The following SMARCA2 variants were observed in gnomAD, a reference collection of about 807,000 sequenced individuals.
SMARCA2 encodes SWI/SNF-related matrix-associated actin-dependent regulator of chromatin subfamily A member 2.
In SMARCA2, 61 loss-of-function variants were observed where a neutral mutation model predicts 199.8. The observed-to-expected ratio is 0.31, with a 90% CI of 0.25 to 0.38. The LOEUF (loss-of-function observed/expected upper bound fraction) is 0.38. Among genes scored for constraint, SMARCA2 ranks in the 10% least tolerant of loss-of-function variants. The pLI, the probability that SMARCA2 is intolerant of heterozygous loss-of-function variation, is 1.00. For synonymous variants in SMARCA2, 935 were observed against 732.0 expected (o/e 1.28, Z -4.48); for missense variants, 1,344 against 2,012.2 (o/e 0.67, Z 6.35).
At chr9:2,149,180 C>G (rs548015127) in intron 27 of SMARCA2, among the ~76,000 whole-genome samples, 6 of 151,370 alleles carry the variant, frequency 4.0e-5, no homozygotes, top group Admixed American at 2.6e-4. Flanking sequence ...GCAAAAGGCA[C>G]TTCTTACATG....
At chr9:2,108,709 C>T (rs1342046740) in intron 23 of SMARCA2, among the ~76,000 whole-genome samples, 1 of 152,156 alleles carries the variant, frequency 6.6e-6, no homozygotes, top group African/African-American at 2.4e-5. Flanking sequence ...GAAGGTTTCA[C>T]AGCAGAAATA....
At chr9:2,183,547 C>G (rs770814894) in intron 31 of SMARCA2, among the ~76,000 whole-genome samples, 2 of 152,226 alleles carry the variant, frequency 1.3e-5, no homozygotes, top group Non-Finnish European at 2.9e-5. Context: ...TACCCCTCAA[C>G]CAATGCAGTG....
Position 2,161,915 on chromosome 9 carries a change from G to T in SMARCA2, c.4199+12G>T. The T allele has an allele frequency of 6.2e-7, 1 of 1,604,518 alleles. No homozygotes were observed. Among genetic ancestry groups the T allele is most frequent in the South Asian group, 1.1e-5 (1 of 90,634 alleles). ...AACTACAAAGATAGGTGAGTGTTTG[G>T]TTCCTTCACCTTGATCATCTCTCAC... On this transcript the variant is annotated intron_variant, in intron 28 of 33. Coordinates refer to ENST00000349721, the MANE Select transcript of SMARCA2 (RefSeq NM_003070.5). The surrounding 1 kb of genome is among the most constrained non-coding windows in gnomAD (Gnocchi z 4.7).
chr9:2,068,111 G>T (rs1352930890), intron 9 of SMARCA2, among the ~76,000 whole-genome samples: 1 of 152,162 alleles, frequency 6.6e-6, no homozygotes. Context: ...AATTAAAACA[G>T]TCCCCTGAGT....
intron 28 of SMARCA2, among the ~76,000 whole-genome samples, chr9:2,165,643 A>G (rs1261476212): frequency 6.6e-6 from 1 of 152,094 alleles, no homozygotes; most frequent in Non-Finnish European, 1.5e-5. Flanking sequence ...GCTTTTAAAA[A>G]CTCATATTCT....
intron 29 of SMARCA2, among the ~76,000 whole-genome samples, chr9:2,171,458 T>A (rs1826243885): frequency 1.3e-5 from 2 of 151,798 alleles, no homozygotes; most frequent in Non-Finnish European, 1.5e-5. Context: ...TAGTGGTGAT[T>A]TATACTTATA....
chr9:2,048,593 G>A (rs1412293778), intron 5 of SMARCA2, among the ~76,000 whole-genome samples: 1 of 152,128 alleles, frequency 6.6e-6, no homozygotes, highest in Admixed American at 6.5e-5. Context: ...TTTCTTATCA[G>A]ACTAAAATAC....
Position 2,039,219 on chromosome 9 carries a change from A to C in SMARCA2, c.356-247A>C, listed in dbSNP as rs1328712388. 6.6e-6 allele frequency among the ~76,000 whole-genome samples: 1 copy of C among 151,806 alleles called. No individual in the cohort carries two copies. ...GTTGGTTTAAGTAAAATACATTTAA[A>C]TTAACTTTACCTGCTTTTTTTTTTT... On this transcript the variant is annotated intron_variant, in intron 3 of 33. Coordinates refer to ENST00000349721, the MANE Select transcript of SMARCA2 (RefSeq NM_003070.5). This position sits in a 1 kb window ranked among gnomAD's most constrained non-coding sequence, Gnocchi z 4.8.
In SMARCA2 at chr9:2,059,125, T is replaced by C. The variant is rs78528332; in HGVS notation, c.1521+661T>C. ...AGTATTTGTTTTTATTGACCATTTA[T>C]TTTTGGAATTGGACCTCAGAGCACA... is the stretch of plus-strand genomic sequence containing the variant. On this transcript the variant is annotated intron_variant, in intron 8 of 33. Coordinates refer to ENST00000349721, the MANE Select transcript of SMARCA2 (RefSeq NM_003070.5). Among the ~76,000 whole-genome samples the C allele has an allele frequency of 7.7e-3, 1,176 of 152,286 alleles. 23 individuals are homozygous for C. Among genetic ancestry groups the C allele is most frequent in the African/African-American group, 0.027 (1,113 of 41,526 alleles).
At chr9:2,157,598 G>C (rs1030768584) in intron 27 of SMARCA2, 4 of 306,760 alleles carry the variant, frequency 1.3e-5, no homozygotes, top group Non-Finnish European at 2.4e-5. Context: ...TCCATGCCTT[G>C]TCTGGATATC....
chr9:2,032,142 G>A (rs1211601740), intron 2 of SMARCA2, among the ~76,000 whole-genome samples: 1 of 152,126 alleles, frequency 6.6e-6, no homozygotes, highest in Non-Finnish European at 1.5e-5. Context: ...AAGTCATTTG[G>A]TTTCTATAAA....
chr9:2,181,722 G>A lies in SMARCA2; in HGVS notation c.4359+46G>A, dbSNP rs764397182. The A allele has an allele frequency of 4.0e-5, 40 of 998,374 alleles. No homozygotes were observed. In the East Asian group the frequency reaches 7.4e-4, roughly 18 times the overall value. 61.8% of individuals were successfully genotyped at this position (998,374 alleles called of 1,614,324 possible). A position where few individuals can be genotyped will look rare whatever the true frequency, so the allele number is the denominator to read the frequency against. On this transcript the variant is annotated intron_variant, in intron 30 of 33. Transcript: ENST00000349721. ...CTTTATTCTTCAAGTAAATAAAGGA[G>A]CAGTGTAAAGTCATTGAAATGGTTG...
intron 5 of SMARCA2, among the ~76,000 whole-genome samples, chr9:2,050,386 GCTTT>G (rs1820065007): frequency 6.8e-6 from 1 of 148,112 alleles, no homozygotes; most frequent in Non-Finnish European, 1.5e-5. Flanking sequence ...GCCTAACTTC[GCTTT>G]CTTCTATTTA....
At chr9:2,148,820 G>A (rs1001532891) in intron 27 of SMARCA2, among the ~76,000 whole-genome samples, 5 of 151,256 alleles carry the variant, frequency 3.3e-5, no homozygotes, top group African/African-American at 1.2e-4. Context: ...GTTTTCTATA[G>A]ATCTTGCCAT....
intron 1 of SMARCA2, among the ~76,000 whole-genome samples, chr9:2,026,164 G>A (rs1396576827): frequency 6.6e-6 from 1 of 152,186 alleles, no homozygotes; most frequent in Non-Finnish European, 1.5e-5. Flanking sequence ...AGACATCAGT[G>A]AATATCACGT....
chr9:2,135,120 G>A (rs973173527), intron 27 of SMARCA2, among the ~76,000 whole-genome samples: 1 of 152,204 alleles, frequency 6.6e-6, no homozygotes, highest in African/African-American at 2.4e-5. Flanking sequence ...GAAGGACTGA[G>A]AACCAGAGCA....
rs1289581176 is a variant in SMARCA2, at chr9:2,169,074, A to G, written c.4200-1345A>G. Among the ~76,000 whole-genome samples, 1 of 152,184 alleles carries G rather than the reference A, an allele frequency of 6.6e-6. No homozygotes were observed. The highest frequency in any genetic ancestry group is 1.5e-5 in the Non-Finnish European group (1 of 68,030). Reference sequence around the variant, plus strand: ...CATTAGCCCAAGGTCCTAAAAGTGAAATAATGAAGACTTTCCCAATTCTGT... The same window carrying G: ...CATTAGCCCAAGGTCCTAAAAGTGAGATAATGAAGACTTTCCCAATTCTGT... On this transcript the variant is annotated intron_variant, in intron 28 of 33. Coordinates refer to ENST00000349721, the MANE Select transcript of SMARCA2 (RefSeq NM_003070.5). The surrounding 1 kb of genome is among the most constrained non-coding windows in gnomAD (Gnocchi z 6.5).
rs377527661 is a variant in SMARCA2, at chr9:2,115,774, C to G, written c.3457-48C>G. On this transcript the variant is annotated intron_variant, in intron 24 of 33. Coordinates refer to ENST00000349721, the MANE Select transcript of SMARCA2 (RefSeq NM_003070.5). The surrounding 1 kb of genome is among the most constrained non-coding windows in gnomAD (Gnocchi z 6.0). ...CTGGGGTGGGGTCCGGTTTTGGATG[C>G]CTATGCCAGGCATCTCAGTCCTCAT... 77 of 1,503,038 alleles carry G rather than the reference C, an allele frequency of 5.1e-5. No homozygotes were observed. Among genetic ancestry groups the G allele is most frequent in the Non-Finnish European group, 6.5e-5 (71 of 1,086,182 alleles). 93.1% of individuals were successfully genotyped at this position (1,503,038 alleles called of 1,614,324 possible). A position where few individuals can be genotyped will look rare whatever the true frequency, so the allele number is the denominator to read the frequency against.
intron 7 of SMARCA2, among the ~76,000 whole-genome samples, chr9:2,057,707 G>A (rs1454806967): frequency 2.0e-5 from 3 of 152,160 alleles, no homozygotes; most frequent in African/African-American, 7.2e-5. Context: ...TCCTGTCATA[G>A]TCCTGTAAAT....
Sources: allele counts gnomAD v4.1 joint callset (sites outside exome capture counted in the v4.1 genomes callset), GRCh38; gene constraint gnomAD v4.1.1; non-coding constraint Gnocchi (gnomAD v3.1); transcripts MANE v1.5; gene names NCBI Gene and HGNC (gene_info 2026-07-23, HGNC 2026-07-21).